TASP1: variants seen among roughly 807,000 people sequenced by gnomAD.
TASP1 encodes taspase 1, also known as threonine aspartase 1.
TASP1 carries 16 observed loss-of-function variants against 56.6 expected under a neutral mutation model. That is an observed-to-expected ratio of 0.28 (90% CI 0.19 to 0.43). The LOEUF is 0.43. TASP1 is among the 20% of genes least tolerant of loss of function. The pLI is 1.00. For synonymous variants in TASP1, 179 were observed against 184.2 expected, an observed-to-expected ratio of 0.97 and a Z score of 0.23; for missense variants, 393 against 511.6, an observed-to-expected ratio of 0.77 and a Z score of 2.24.
the TASP1 span, among the ~76,000 whole-genome samples, chr20:13,335,706 G>A: frequency 2.0e-5 from 3 of 151,996 alleles, no homozygotes; most frequent in East Asian, 3.9e-4. Flanking sequence ...AAGAGCTCTT[G>A]AAAATAAAAA....
chr20:13,215,656 G>A, the TASP1 span, among the ~76,000 whole-genome samples: 5 of 152,310 alleles, frequency 3.3e-5, no homozygotes, highest in Admixed American at 2.0e-4. Context: ...CTTGTTCTGG[G>A]GAAGAATAGC....
At chr20:13,258,428 C>T in the TASP1 span, among the ~76,000 whole-genome samples, 1,174 of 152,240 alleles carry the variant, frequency 7.7e-3, 8 homozygotes, top group Non-Finnish European at 0.012. Context: ...TTTCTGGGCA[C>T]TTTGTCCAGA....
chr20:13,229,325 T>C, the TASP1 span, among the ~76,000 whole-genome samples: 7 of 152,234 alleles, frequency 4.6e-5, no homozygotes, highest in African/African-American at 1.4e-4. Context: ...TGCACAATTG[T>C]AGGCAATTTG....
At chr20:13,334,865 C>T in the TASP1 span, among the ~76,000 whole-genome samples, 1 of 152,050 alleles carries the variant, frequency 6.6e-6, no homozygotes, top group Admixed American at 6.5e-5. Flanking sequence ...AATGAGAGAC[C>T]ATTTGTCATA....
intron 13 of TASP1, among the ~76,000 whole-genome samples, chr20:13,391,448 T>G (rs538117970): frequency 1.3e-5 from 2 of 152,304 alleles, no homozygotes; most frequent in African/African-American, 2.4e-5. Context: ...AGGGGCTGCA[T>G]AAACTTCACG....
chr20:13,148,281 G>A, the TASP1 span, among the ~76,000 whole-genome samples: 1 of 152,178 alleles, frequency 6.6e-6, no homozygotes, highest in Non-Finnish European at 1.5e-5. Context: ...CAGCATTGGA[G>A]GGGAGGTTAA....
At chr20:13,393,923 T>C (rs1240244347) in intron 13 of TASP1, among the ~76,000 whole-genome samples, 5 of 152,072 alleles carry the variant, frequency 3.3e-5, no homozygotes, top group Non-Finnish European at 7.4e-5. Context: ...GTGTTTTAAC[T>C]GATATGACCA....
At chr20:13,570,016 T>C (rs2046658837) in intron 6 of TASP1, among the ~76,000 whole-genome samples, 1 of 152,090 alleles carries the variant, frequency 6.6e-6, no homozygotes, top group African/African-American at 2.4e-5. Context: ...CCATCCAAAA[T>C]TAGTGGGTAC....
At chr20:13,358,251 C>T in the TASP1 span, among the ~76,000 whole-genome samples, 10 of 152,294 alleles carry the variant, frequency 6.6e-5, no homozygotes, top group South Asian at 2.1e-4. Context: ...GGACTCAGCC[C>T]GCCTGCACCC....
At chr20:13,273,012 A>T in the TASP1 span, among the ~76,000 whole-genome samples, 1 of 152,172 alleles carries the variant, frequency 6.6e-6, no homozygotes, top group Non-Finnish European at 1.5e-5. Flanking sequence ...TGATTTAAGA[A>T]TTACTAACGC....
At chr20:13,234,372 T>C in the TASP1 span, among the ~76,000 whole-genome samples, 1 of 152,240 alleles carries the variant, frequency 6.6e-6, no homozygotes, top group South Asian at 2.1e-4. Flanking sequence ...TTTAGGTTGA[T>C]TCCATGTCTT....
rs2049026188 is a variant in TASP1 at position 13,629,953 on chromosome 20, G to A, written c.126C>T (p.Gly42=). 1 of 1,613,254 alleles carries A rather than the reference G, an allele frequency of 6.2e-7. No homozygotes were observed. The highest frequency in any genetic ancestry group is 1.3e-5 in the African/African-American group (1 of 74,850). ...GCTTACCTGCATGCACCAACACAAA[G>A]CCTCCTCGTTTCTCTTTATAGGACT... ...TKQSYKEKRG[G]FVLVHAGAGY... Residue 42 remains glycine, a synonymous_variant, in exon 2 of 14, where the codon GGC becomes GGT. Coordinates refer to ENST00000337743, the MANE Select transcript of TASP1 (RefSeq NM_017714.3).
chr20:13,436,228 A>C (rs956945428), intron 11 of TASP1, among the ~76,000 whole-genome samples: 21 of 152,168 alleles, frequency 1.4e-4, no homozygotes, highest in Non-Finnish European at 8.8e-5. Flanking sequence ...AGGCAGGGGT[A>C]CAGGGTAGAG....
chr20:13,565,300 A>G (rs919793239), intron 7 of TASP1, among the ~76,000 whole-genome samples: 1 of 152,146 alleles, frequency 6.6e-6, no homozygotes, highest in African/African-American at 2.4e-5. Context: ...TTAGAAAACA[A>G]CATAGGGGAA....
the TASP1 span, chr20:13,110,166 G>A: frequency 1.1e-4 from 176 of 1,613,370 alleles, no homozygotes; most frequent in Non-Finnish European, 1.4e-4. Context: ...GGCCAGCCTC[G>A]AACCCGCAGA....
At chr20:13,180,895 G>A in the TASP1 span, among the ~76,000 whole-genome samples, 2 of 152,194 alleles carry the variant, frequency 1.3e-5, no homozygotes, top group African/African-American at 4.8e-5. Flanking sequence ...AAGTGTTTAT[G>A]GAAGGCCAGC....
At chr20:13,401,185 T>C (rs747461679) in intron 13 of TASP1, among the ~76,000 whole-genome samples, 3 of 152,238 alleles carry the variant, frequency 2.0e-5, no homozygotes, top group South Asian at 4.1e-4. Context: ...TTAAAAATCA[T>C]ATTTTAACAT....
the TASP1 span, among the ~76,000 whole-genome samples, chr20:13,197,974 T>C: frequency 6.6e-6 from 1 of 152,220 alleles, no homozygotes; most frequent in African/African-American, 2.4e-5. Flanking sequence ...TAATTAGGCC[T>C]TTCCTAAGAC....
the TASP1 span, among the ~76,000 whole-genome samples, chr20:13,141,874 C>A: frequency 1.3e-5 from 2 of 152,294 alleles, no homozygotes; most frequent in African/African-American, 4.8e-5. Context: ...TCTACCTGGT[C>A]TTTTTGTGTG....
Sources: gnomAD v4.1 joint callset for allele counts (sites outside exome capture counted in the v4.1 genomes callset) on GRCh38, gnomAD v4.1.1 for gene constraint, MANE v1.5 for transcripts, NCBI Gene and HGNC (gene_info 2026-07-23, HGNC 2026-07-21) for gene names.